SH3PXD2A: variants seen among roughly 807,000 people sequenced by gnomAD.
The protein encoded by SH3PXD2A is SH3 and PX domains 2A, also known as SH3 and PX domain-containing protein 2A.
In SH3PXD2A, 32 loss-of-function variants were observed where a neutral mutation model predicts 115.2. The ratio of observed to expected loss-of-function variants is 0.28; its 90% CI spans 0.21 to 0.37. The LOEUF is 0.37. Ranked by LOEUF, SH3PXD2A falls within the 10% of genes least tolerant of loss-of-function variation. The probability of loss-of-function intolerance (pLI) is 1.00; values close to 1 mark genes in which losing one functional copy is unlikely to be tolerated. For synonymous variants in SH3PXD2A, 610 were observed against 629.1 expected, an observed-to-expected ratio of 0.97 and a Z score of 0.45; for missense variants, 1,328 against 1,498.7, an observed-to-expected ratio of 0.89 and a Z score of 1.88.
At chr10:103,804,135 G>A (rs533582179) in intron 1 of SH3PXD2A, among the ~76,000 whole-genome samples, 1 of 152,160 alleles carries the variant, frequency 6.6e-6, no homozygotes, top group South Asian at 2.1e-4. Context: ...TTTCTTATCA[G>A]ATCTTAGGTC....
chr10:103,831,695 A>G (rs1409570530), intron 1 of SH3PXD2A, among the ~76,000 whole-genome samples: 1 of 152,170 alleles, frequency 6.6e-6, no homozygotes, highest in Non-Finnish European at 1.5e-5. Context: ...AAAGTGTGCA[A>G]TTCAGTGTTT....
intron 2 of SH3PXD2A, among the ~76,000 whole-genome samples, chr10:103,767,535 G>A (rs2038766910): frequency 6.6e-6 from 1 of 152,150 alleles, no homozygotes; most frequent in Non-Finnish European, 1.5e-5. Context: ...CGTCTGTGGG[G>A]TGAATCCTTC....
intron 4 of SH3PXD2A, among the ~76,000 whole-genome samples, chr10:103,725,318 G>A (rs1462062520): frequency 2.0e-5 from 3 of 152,148 alleles, no homozygotes; most frequent in Non-Finnish European, 4.4e-5. Context: ...GAGGATGCCT[G>A]GAGAAACAAT....
chr10:103,703,450 C>A (rs2037944263), intron 5 of SH3PXD2A, among the ~76,000 whole-genome samples: 1 of 152,220 alleles, frequency 6.6e-6, no homozygotes, highest in African/African-American at 2.4e-5. Flanking sequence ...TGTGCTGCAA[C>A]CACCACAGGC....
At chr10:103,622,315 C>T (rs569747708) in intron 10 of SH3PXD2A, among the ~76,000 whole-genome samples, 155 bp downstream of exon 10, 1 of 152,324 alleles carries the variant, frequency 6.6e-6, no homozygotes, top group Admixed American at 6.5e-5. Flanking sequence ...AGGCCCACCC[C>T]ACACCAGCTG....
chr10:103,808,959 C>A (rs1276691893), intron 1 of SH3PXD2A, among the ~76,000 whole-genome samples: 8 of 152,244 alleles, frequency 5.3e-5, no homozygotes, highest in African/African-American at 1.4e-4. Context: ...AGACTGTCCC[C>A]ATTCCCAGAA....
rs2036698210 is a variant in SH3PXD2A, at chr10:103,626,583, A to G, written c.718+506T>C. ...AGAAAGACCCTGAAAAACCTCACTG[A>G]GTAGTTTTTAAGTGTTTGGAATTAA... is the stretch of plus-strand genomic sequence containing the variant. On this transcript the variant is annotated intron_variant, in intron 9 of 14. Coordinates refer to ENST00000369774, the MANE Select transcript of SH3PXD2A (RefSeq NM_001394015.1). Among the ~76,000 whole-genome samples, 5 of 149,354 alleles carry G rather than the reference A, an allele frequency of 3.3e-5. No individual in the cohort carries two copies. In the Admixed American group the frequency reaches 3.4e-4, roughly 10 times the overall value.
At chr10:103,824,960 G>A (rs1259540407) in intron 1 of SH3PXD2A, among the ~76,000 whole-genome samples, 1 of 152,126 alleles carries the variant, frequency 6.6e-6, no homozygotes, top group Non-Finnish European at 1.5e-5. Context: ...GCACCACCAA[G>A]CTTGGCTAAT....
At chr10:103,785,500 C>T (rs542955965) in intron 2 of SH3PXD2A, among the ~76,000 whole-genome samples, 1 of 152,166 alleles carries the variant, frequency 6.6e-6, no homozygotes, top group Non-Finnish European at 1.5e-5. Flanking sequence ...CTCATAGGGC[C>T]CCCGGGCACA....
chr10:103,660,929 G>A (rs1347728636), intron 8 of SH3PXD2A, 54 bp downstream of exon 8: 1 of 1,600,330 alleles, frequency 6.2e-7, no homozygotes, highest in Non-Finnish European at 8.6e-7. Flanking sequence ...AAACCAGCTC[G>A]GCCCGGGGGC....
chr10:103,792,133 C>G (rs916963575), intron 2 of SH3PXD2A, among the ~76,000 whole-genome samples: 6 of 152,222 alleles, frequency 3.9e-5, no homozygotes, highest in African/African-American at 1.4e-4. Flanking sequence ...ACAAGGCTCC[C>G]CTGGAACCCC....
intron 3 of SH3PXD2A, among the ~76,000 whole-genome samples, chr10:103,740,443 C>T (rs932716437): frequency 6.6e-6 from 1 of 152,158 alleles, no homozygotes; most frequent in Admixed American, 6.5e-5. Context: ...GCCTCCAGGG[C>T]TCTTCTTGGG....
At chr10:103,770,905 G>A (rs2038811961) in intron 2 of SH3PXD2A, among the ~76,000 whole-genome samples, 1 of 152,170 alleles carries the variant, frequency 6.6e-6, no homozygotes, top group Non-Finnish European at 1.5e-5. Flanking sequence ...TAATAACAAT[G>A]CATTTCTTTT....
intron 7 of SH3PXD2A, among the ~76,000 whole-genome samples, chr10:103,662,348 GGGGGC>G (rs797015697): frequency 4.2e-5 from 4 of 95,316 alleles, no homozygotes; most frequent in African/African-American, 1.9e-4. Flanking sequence ...TGGCGGGGGG[GGGGGC>G]GGGGGGGGAT....
intron 8 of SH3PXD2A, among the ~76,000 whole-genome samples, chr10:103,637,842 G>C (rs893054687): frequency 6.6e-6 from 1 of 152,210 alleles, no homozygotes; most frequent in Non-Finnish European, 1.5e-5. Context: ...CTGGGCCCAA[G>C]TGAGTGCTGC....
At position 103,666,105 on chromosome 10, in the gene SH3PXD2A, C is replaced by T. The variant is rs539182559; in HGVS notation, c.472+2503G>A. ...TTGCCAAGTCAGTCCCATGCTCCAACGCCTTCCACGGCTCCCTCTTGCCTA... is the reference window on the plus strand; with the variant it reads ...TTGCCAAGTCAGTCCCATGCTCCAATGCCTTCCACGGCTCCCTCTTGCCTA... On this transcript the variant is annotated intron_variant, in intron 7 of 14. Transcript: ENST00000369774. This position sits in a 1 kb window ranked among gnomAD's most constrained non-coding sequence, Gnocchi z 4.5. 4.1e-4 allele frequency among the ~76,000 whole-genome samples: 63 copies of T among 152,278 alleles called. No individual in the cohort carries two copies. Among genetic ancestry groups the T allele is most frequent in the Non-Finnish European group, 7.8e-4 (53 of 68,024 alleles).
intron 4 of SH3PXD2A, among the ~76,000 whole-genome samples, chr10:103,729,115 C>T (rs893645206): frequency 2.6e-5 from 4 of 152,090 alleles, no homozygotes; most frequent in African/African-American, 7.2e-5. Context: ...AGGCTGATCT[C>T]GAACTCCTGA....
At chr10:103,854,787 G>A (rs1265548766) in intron 1 of SH3PXD2A, among the ~76,000 whole-genome samples, 1 of 152,148 alleles carries the variant, frequency 6.6e-6, no homozygotes, top group South Asian at 2.1e-4. Context: ...TCCTTCTCCA[G>A]GGCGAGCTCT....
intron 1 of SH3PXD2A, among the ~76,000 whole-genome samples, chr10:103,825,679 C>T (rs778873819): frequency 1.4e-4 from 22 of 152,200 alleles, no homozygotes; most frequent in African/African-American, 7.2e-5. Context: ...ACTCTCCTTC[C>T]GGACAGCACT....
Sources: gnomAD v4.1 joint callset for allele counts (sites outside exome capture counted in the v4.1 genomes callset) on GRCh38, gnomAD v4.1.1 for gene constraint, Gnocchi (gnomAD v3.1) non-coding constraint, MANE v1.5 for transcripts, NCBI Gene and HGNC (gene_info 2026-07-23, HGNC 2026-07-21) for gene names.